The following TBXAS1 variants were observed in gnomAD, a reference collection of about 807,000 sequenced individuals.
TBXAS1 encodes thromboxane A synthase 1.
Under a neutral mutation model 60.7 loss-of-function variants are expected in TBXAS1, and 48 were observed. The ratio of observed to expected loss-of-function variants is 0.79; its 90% CI spans 0.63 to 1.01. TBXAS1 has a LOEUF of 1.01. Among genes scored for constraint, TBXAS1 ranks in the 50% least tolerant of loss-of-function variants. The pLI is 0.00. For missense variants in TBXAS1, 685 were observed against 686.3 expected (o/e 1.00, Z 0.02); for synonymous variants, 287 against 269.7 (o/e 1.06, Z -0.63).
chr7:139,998,729 T>G (rs1474069133), intron 9 of TBXAS1, among the ~76,000 whole-genome samples: 3 of 152,358 alleles, frequency 2.0e-5, no homozygotes, highest in East Asian at 3.9e-4. Flanking sequence ...AGGTCAGCAC[T>G]GTCAGTGAAG....
At chr7:139,922,355 A>G (rs533978734) in intron 4 of TBXAS1, among the ~76,000 whole-genome samples, 1 of 151,334 alleles carries the variant, frequency 6.6e-6, no homozygotes, top group Non-Finnish European at 1.5e-5. Context: ...GCCCACCTTC[A>G]CCTCCCAAAG....
At chr7:139,940,645 T>C (rs879544000) in intron 5 of TBXAS1, among the ~76,000 whole-genome samples, 2 of 152,166 alleles carry the variant, frequency 1.3e-5, no homozygotes, top group Non-Finnish European at 2.9e-5. Flanking sequence ...TGCTTTATTT[T>C]TCTCTGTGGA....
intron 9 of TBXAS1, among the ~76,000 whole-genome samples, chr7:139,994,346 C>G (rs1260885466): frequency 6.6e-6 from 1 of 152,188 alleles, no homozygotes; most frequent in African/African-American, 2.4e-5. Flanking sequence ...CCCAGCTGCT[C>G]TTCCCTTTTT....
At chr7:139,870,639 T>A (rs1032372045) in intron 1 of TBXAS1, among the ~76,000 whole-genome samples, 9 of 152,240 alleles carry the variant, frequency 5.9e-5, no homozygotes, top group Non-Finnish European at 1.3e-4. Context: ...GAGTGTGGTT[T>A]GTAATCACAC....
chr7:139,789,911 G>A (rs535425298), intron 4 of TBXAS1, among the ~76,000 whole-genome samples: 4 of 152,210 alleles, frequency 2.6e-5, no homozygotes, highest in Admixed American at 1.3e-4. Context: ...GATTACAGGC[G>A]TGAGCCACCG....
upstream of TBXAS1, among the ~76,000 whole-genome samples, chr7:139,828,065 C>T (rs1310717449): frequency 1.3e-5 from 2 of 152,170 alleles, no homozygotes; most frequent in African/African-American, 4.8e-5. Context: ...ATTCTTCCCC[C>T]AAATATGTTT....
chr7:139,986,397 A>G lies in TBXAS1; in HGVS notation c.1135-20694A>G, dbSNP rs115091663. On this transcript the variant is annotated intron_variant, in intron 9 of 12. Coordinates refer to ENST00000448866, the MANE Select transcript of TBXAS1 (RefSeq NM_001061.7). ...AAATATTTCCATAGATTATTGGGGA[A>G]CAGGTGGTATTTGGTTACATGAGTA... 2.3e-3 allele frequency among the ~76,000 whole-genome samples: 350 copies of G among 152,228 alleles called. 2 individuals carry two copies. Among genetic ancestry groups the G allele is most frequent in the African/African-American group, 8.1e-3 (335 of 41,540 alleles).
At chr7:139,837,877 T>G (rs1419083525) in intron 1 of TBXAS1, among the ~76,000 whole-genome samples, 1 of 152,202 alleles carries the variant, frequency 6.6e-6, no homozygotes, top group African/African-American at 2.4e-5. Context: ...CTTCTTGTGC[T>G]CTCAACCAGC....
At chr7:139,905,061 C>CTTTCTT (rs1319023894) in intron 3 of TBXAS1, among the ~76,000 whole-genome samples, 106 of 61,944 alleles carry the variant, frequency 1.7e-3, no homozygotes, top group Non-Finnish European at 2.0e-3. Context: ...CTTTCTTTCT[C>CTTTCTT]TCTCTCTCTC....
intron 4 of TBXAS1, among the ~76,000 whole-genome samples, chr7:139,811,517 G>A (rs1481491031): frequency 4.6e-5 from 7 of 152,230 alleles, no homozygotes; most frequent in Non-Finnish European, 8.8e-5. Flanking sequence ...GACTAGAAAT[G>A]GTTCCCTGGC....
intron 9 of TBXAS1, among the ~76,000 whole-genome samples, chr7:139,970,190 T>A (rs1811090820): frequency 6.6e-6 from 1 of 152,248 alleles, no homozygotes; most frequent in Admixed American, 6.5e-5. Flanking sequence ...CACTGCAGCC[T>A]CCATCTCCCA....
chr7:139,781,116 T>G (rs531953841), intron 2 of TBXAS1, among the ~76,000 whole-genome samples: 1 of 152,370 alleles, frequency 6.6e-6, no homozygotes, highest in East Asian at 1.9e-4. Flanking sequence ...GAGGTCCACC[T>G]TCTCTTCAGA....
In TBXAS1 at chr7:140,015,730, C is replaced by T. The variant is rs200525534; in HGVS notation, c.1234C>T (p.Arg412Trp). 211 of 1,613,210 alleles carry T rather than the reference C, an allele frequency of 1.3e-4. No homozygotes were observed. The highest frequency in any genetic ancestry group is 1.7e-4 in the Admixed American group (10 of 60,024). Residue 412 changes from arginine (R) to tryptophan (W), a missense_variant, in exon 11 of 13, where the codon CGG becomes TGG. By Grantham distance (101) the Arg-to-Trp change is moderately radical (BLOSUM62 -3). Transcript: ENST00000448866. ...ACCTGGTGTTTCCCTCAGATTCACA[C>T]GGGAGGCAGCTCAGGACTGCGAGGT... ...RMYPPAFRFTREAAQDCEVLG... is the reference protein window; with the variant it reads ...RMYPPAFRFTWEAAQDCEVLG...
At chr7:140,014,159 G>T (rs925088570) in intron 10 of TBXAS1, among the ~76,000 whole-genome samples, 1 of 152,140 alleles carries the variant, frequency 6.6e-6, no homozygotes, top group Non-Finnish European at 1.5e-5. Context: ...TGAGAGACGA[G>T]AATCTAAACT....
At chr7:139,818,425 G>C (rs1157974648) in intron 4 of TBXAS1, among the ~76,000 whole-genome samples, 1 of 152,174 alleles carries the variant, frequency 6.6e-6, no homozygotes, top group African/African-American at 2.4e-5. Context: ...TGGCCAGGCT[G>C]TTCTCTAACT....
intron 9 of TBXAS1, among the ~76,000 whole-genome samples, chr7:139,993,123 G>A (rs576452736): frequency 9.8e-5 from 15 of 152,300 alleles, no homozygotes; most frequent in African/African-American, 3.1e-4. Context: ...CTTGAACCCG[G>A]GAGGCAGAGG....
chr7:139,972,846 G>A (rs1376590798), intron 9 of TBXAS1, among the ~76,000 whole-genome samples: 2 of 152,126 alleles, frequency 1.3e-5, no homozygotes, highest in Admixed American at 1.3e-4. Flanking sequence ...TCCCAGGGCC[G>A]AGCACAGTGC....
At chr7:139,990,208 C>A (rs570965780) in intron 9 of TBXAS1, among the ~76,000 whole-genome samples, 1 of 152,340 alleles carries the variant, frequency 6.6e-6, no homozygotes, top group Admixed American at 6.5e-5. Flanking sequence ...CTGCCCCTCA[C>A]TCAGGGCCTT....
intron 4 of TBXAS1, among the ~76,000 whole-genome samples, chr7:139,923,840 A>T (rs913764806): frequency 6.6e-6 from 1 of 152,100 alleles, no homozygotes; most frequent in Non-Finnish European, 1.5e-5. Flanking sequence ...TACTATCTCC[A>T]TGAGTTCAAT....
Sources: gnomAD v4.1 joint callset for allele counts (sites outside exome capture counted in the v4.1 genomes callset) on GRCh38, gnomAD v4.1.1 for gene constraint, MANE v1.5 for transcripts, NCBI Gene and HGNC (gene_info 2026-07-23, HGNC 2026-07-21) for gene names.